Variants in STK32B observed in about 807,000 individuals in gnomAD.
STK32B encodes the protein serine/threonine-protein kinase 32B.
In STK32B, 43 loss-of-function variants were observed where a neutral mutation model predicts 52.6. The observed-to-expected ratio is 0.82, with a 90% CI of 0.64 to 1.05. The LOEUF is 1.05. Among genes scored for constraint, STK32B ranks in the 50% least tolerant of loss-of-function variants. STK32B has a pLI of 0.00. For synonymous variants in STK32B, 238 were observed against 204.3 expected, an observed-to-expected ratio of 1.17 and a Z score of -1.41; for missense variants, 621 against 534.6, an observed-to-expected ratio of 1.16 and a Z score of -1.59.
At chr4:5,234,820 G>T (rs1393915786) in intron 3 of STK32B, among the ~76,000 whole-genome samples, 2 of 152,272 alleles carry the variant, frequency 1.3e-5, no homozygotes, top group African/African-American at 4.8e-5. Flanking sequence ...AAATGGCTGA[G>T]TTGGGTCTCC....
At chr4:5,202,500 C>T (rs1447524647) in intron 3 of STK32B, among the ~76,000 whole-genome samples, 1 of 152,242 alleles carries the variant, frequency 6.6e-6, no homozygotes, top group Non-Finnish European at 1.5e-5. Context: ...CTCGGCAGTG[C>T]CCCAGTGGGG....
intron 3 of STK32B, among the ~76,000 whole-genome samples, chr4:5,260,292 C>A (rs959425767): frequency 2.8e-4 from 42 of 152,192 alleles, no homozygotes; most frequent in Admixed American, 2.4e-3. Context: ...TCAAGATTTT[C>A]ATATGTTAAA....
chr4:5,049,134 C>T (rs917855981), upstream of STK32B, among the ~76,000 whole-genome samples: 1 of 152,170 alleles, frequency 6.6e-6, no homozygotes, highest in Admixed American at 6.5e-5. Flanking sequence ...TCTTCCAACC[C>T]GGTTGATTCC....
the STK32B span, among the ~76,000 whole-genome samples, chr4:5,034,689 G>C: frequency 5.1e-3 from 780 of 152,286 alleles, 8 homozygotes; most frequent in African/African-American, 0.018. Context: ...TCCTGCTTGA[G>C]CGATATATTC....
chr4:5,034,150 C>T, the STK32B span, among the ~76,000 whole-genome samples: 51 of 152,346 alleles, frequency 3.3e-4, no homozygotes, highest in African/African-American at 1.1e-3. Context: ...TCCATTTCAC[C>T]TAGCTGGAGC....
chr4:5,246,869 C>T (rs749360810), intron 3 of STK32B, among the ~76,000 whole-genome samples: 12 of 152,186 alleles, frequency 7.9e-5, no homozygotes, highest in Non-Finnish European at 1.0e-4. Flanking sequence ...GTATCAGCAG[C>T]GGTGGCTGCA....
intron 3 of STK32B, among the ~76,000 whole-genome samples, chr4:5,200,281 C>G (rs1467509810): frequency 6.7e-6 from 1 of 148,736 alleles, no homozygotes; most frequent in Non-Finnish European, 1.5e-5. Context: ...TTGCCTTGCT[C>G]TCTACTTGAC....
chr4:5,147,867 C>CT (rs1717035091), intron 2 of STK32B, among the ~76,000 whole-genome samples: 1 of 151,824 alleles, frequency 6.6e-6, no homozygotes, highest in African/African-American at 2.4e-5. Flanking sequence ...TATTAGTCTG[C>CT]TTTTTTGTAA....
At position 5,400,322 on chromosome 4, in the gene STK32B, T is replaced by G. The variant is rs1315609055; in HGVS notation, c.472+2078T>G. 6.6e-6 allele frequency among the ~76,000 whole-genome samples: 1 copy of G among 152,208 alleles called. No homozygotes were observed. Among genetic ancestry groups the G allele is most frequent in the Non-Finnish European group, 1.5e-5 (1 of 68,038 alleles). ...TCCGCCTCCCTTTCTGTACCCATTC[T>G]CAGCCTCCACCTCAGCCTTCCCCAC... is the stretch of plus-strand genomic sequence containing the variant. On this transcript the variant is annotated intron_variant, in intron 5 of 11. Transcript: ENST00000282908. This position sits in a 1 kb window ranked among gnomAD's most constrained non-coding sequence, Gnocchi z 6.1.
intron 3 of STK32B, among the ~76,000 whole-genome samples, chr4:5,184,436 T>C (rs530053779): frequency 1.4e-3 from 211 of 152,246 alleles, no homozygotes; most frequent in African/African-American, 4.7e-3. Context: ...CAAAGATTAT[T>C]GATCACTTTG....
chr4:5,204,751 A>T (rs1382882886), intron 3 of STK32B, among the ~76,000 whole-genome samples: 1 of 152,034 alleles, frequency 6.6e-6, no homozygotes, highest in African/African-American at 2.4e-5. Context: ...TACAGGTGTG[A>T]GCCACTGCTC....
At chr4:5,106,127 A>G (rs1198864344) in intron 1 of STK32B, among the ~76,000 whole-genome samples, 1 of 151,156 alleles carries the variant, frequency 6.6e-6, no homozygotes, top group East Asian at 2.0e-4. Context: ...ACACGATGAA[A>G]CCCCACCTCT....
chr4:5,409,040 C>T (rs1280947655), intron 5 of STK32B, among the ~76,000 whole-genome samples: 1 of 152,084 alleles, frequency 6.6e-6, no homozygotes, highest in Non-Finnish European at 1.5e-5. Context: ...CTGTTTACAC[C>T]ACGGATGGGA....
At chr4:5,229,159 C>T (rs968642561) in intron 3 of STK32B, among the ~76,000 whole-genome samples, 2 of 149,902 alleles carry the variant, frequency 1.3e-5, no homozygotes, top group African/African-American at 2.5e-5. Context: ...CAGATACTTT[C>T]AATTTGTAAA....
chr4:5,478,983 G>C (rs574137207), intron 11 of STK32B, among the ~76,000 whole-genome samples: 1 of 152,204 alleles, frequency 6.6e-6, no homozygotes, highest in African/African-American at 2.4e-5. Context: ...GCTCCTCCAA[G>C]TCAGACTCCC....
At chr4:5,268,162 G>C (rs574711621) in intron 3 of STK32B, among the ~76,000 whole-genome samples, 1 of 152,244 alleles carries the variant, frequency 6.6e-6, no homozygotes, top group African/African-American at 2.4e-5. Context: ...TGTAAAGAAA[G>C]TTTCACTTTG....
intron 11 of STK32B, among the ~76,000 whole-genome samples, chr4:5,488,760 A>G (rs1382714796): frequency 1.3e-5 from 2 of 152,090 alleles, no homozygotes; most frequent in African/African-American, 4.8e-5. Context: ...ATTTATCTTC[A>G]TATCTATAAC....
intron 3 of STK32B, among the ~76,000 whole-genome samples, chr4:5,177,427 T>A (rs1458654821): frequency 1.3e-5 from 2 of 152,110 alleles, no homozygotes. Context: ...ATTATAGGGA[T>A]TACAGTTCAC....
Position 5,168,328 on chromosome 4 carries a change from G to GAA in STK32B, c.141_142dup (p.Met48LysfsTer5). ...GCATCGTGCAGAAGCGAGACACTAAGAAAATGTATGCAATGAAGTACATGA... is the reference window on the plus strand; with the variant it reads ...GCATCGTGCAGAAGCGAGACACTAAGAAAAAATGTATGCAATGAAGTACATGA... On this transcript the variant is annotated frameshift_variant, in exon 3 of 12. Coordinates refer to ENST00000282908, the MANE Select transcript of STK32B (RefSeq NM_018401.3). LOFTEE classifies it high-confidence loss of function. 6.2e-7 allele frequency: 1 copy of GAA among 1,613,974 alleles called. No homozygotes were observed. The highest frequency in any genetic ancestry group is 1.3e-5 in the African/African-American group (1 of 74,986).
Sources: allele counts gnomAD v4.1 joint callset (sites outside exome capture counted in the v4.1 genomes callset), GRCh38; gene constraint gnomAD v4.1.1; non-coding constraint Gnocchi (gnomAD v3.1); transcripts MANE v1.5; gene names NCBI Gene and HGNC (gene_info 2026-07-23, HGNC 2026-07-21).